SYT3: variants seen among roughly 807,000 people sequenced by gnomAD.
The protein encoded by SYT3 is synaptotagmin-3.
A neutral mutation model predicts 50.6 loss-of-function variants in SYT3; 25 were observed. The observed-to-expected ratio is 0.49, with a 90% CI of 0.36 to 0.69. The LOEUF is 0.69. SYT3 is among the 30% of genes least tolerant of loss of function. The pLI is 0.00. For missense variants in SYT3, 589 were observed against 793.6 expected (o/e 0.74, Z 3.10); for synonymous variants, 323 against 353.9 (o/e 0.91, Z 0.98).
At chr19:50,650,335 G>A in the SYT3 span, among the ~76,000 whole-genome samples, 19 of 152,348 alleles carry the variant, frequency 1.2e-4, no homozygotes, top group Non-Finnish European at 2.1e-4. Context: ...CATTTATGGA[G>A]TAGTATCTCA....
Position 50,625,583 on chromosome 19 carries a change from T to G in SYT3, c.1403-19A>C, listed in dbSNP as rs777497188. 1 of 1,557,436 alleles carries G rather than the reference T, an allele frequency of 6.4e-7. No homozygotes were observed. Among genetic ancestry groups the G allele is most frequent in the Non-Finnish European group, 8.7e-7 (1 of 1,153,046 alleles). Reference sequence around the variant, plus strand: ...TAGGGGTCTGGGAACAGCAATGAAGTAAGGAACAGAGACTCACTCCCTCAG... The same window carrying G: ...TAGGGGTCTGGGAACAGCAATGAAGGAAGGAACAGAGACTCACTCCCTCAG... On this transcript the variant is annotated intron_variant, in intron 7 of 10. Transcript: ENST00000600079. This position sits in a 1 kb window ranked among gnomAD's most constrained non-coding sequence, Gnocchi z 7.5.
chr19:50,633,727 A>C lies in SYT3; in HGVS notation c.149-916T>G, dbSNP rs112855032. On this transcript the variant is annotated intron_variant, in intron 3 of 10. Transcript: ENST00000600079. ...ATATCTTGAGGGGTGATTACATACCAAATAGCTCAGTACTTTATAGAGATC... is the reference window on the plus strand; with the variant it reads ...ATATCTTGAGGGGTGATTACATACCCAATAGCTCAGTACTTTATAGAGATC... Among the ~76,000 whole-genome samples the C allele has an allele frequency of 6.5e-3, 997 of 152,354 alleles. 5 individuals carry two copies. Among genetic ancestry groups the C allele is most frequent in the Non-Finnish European group, 0.011 (735 of 68,032 alleles).
chr19:50,635,693 A>G (rs1341503855), intron 3 of SYT3, among the ~76,000 whole-genome samples: 1 of 152,200 alleles, frequency 6.6e-6, no homozygotes, highest in Non-Finnish European at 1.5e-5. Context: ...AAAGTCAGCC[A>G]CACCAGCAAT....
intron 3 of SYT3, among the ~76,000 whole-genome samples, chr19:50,635,070 C>T (rs1270925969): frequency 6.6e-6 from 1 of 152,046 alleles, no homozygotes; most frequent in African/African-American, 2.4e-5. Flanking sequence ...GCCACCATGC[C>T]CAGCTAATTT....
At chr19:50,623,807 A>G (rs1460604472) in intron 9 of SYT3, among the ~76,000 whole-genome samples, 1 of 151,872 alleles carries the variant, frequency 6.6e-6, no homozygotes, top group Non-Finnish European at 1.5e-5. Flanking sequence ...TGTCTCAATA[A>G]TAACAATAAT....
upstream of SYT3, among the ~76,000 whole-genome samples, chr19:50,643,089 G>A (rs1180307017): frequency 6.6e-6 from 1 of 152,076 alleles, no homozygotes; most frequent in Admixed American, 6.5e-5. Flanking sequence ...TATGGGTCTG[G>A]ACCAAGTGCA....
At chr19:50,627,967 C>A (rs889265780) in intron 6 of SYT3, among the ~76,000 whole-genome samples, 13 of 152,316 alleles carry the variant, frequency 8.5e-5, no homozygotes, top group African/African-American at 2.9e-4. Flanking sequence ...ATCTCAAAGG[C>A]TGGGCTTGGG....
chr19:50,642,541 A>T (rs1350203776), upstream of SYT3, among the ~76,000 whole-genome samples: 1 of 152,324 alleles, frequency 6.6e-6, no homozygotes, highest in East Asian at 1.9e-4. Flanking sequence ...TACTTTAAAA[A>T]ATCATACTCT....
chr19:50,641,923 A>G (rs1599823862), upstream of SYT3, among the ~76,000 whole-genome samples: 1 of 152,284 alleles, frequency 6.6e-6, no homozygotes, highest in East Asian at 1.9e-4. Context: ...TAAGTAAGTA[A>G]ATAAAAGTAA....
At chr19:50,653,107 G>A in the SYT3 span, among the ~76,000 whole-genome samples, 4 of 152,090 alleles carry the variant, frequency 2.6e-5, no homozygotes, top group Non-Finnish European at 2.9e-5. Flanking sequence ...GCACGATCCC[G>A]GCTCACTGCA....
the SYT3 span, among the ~76,000 whole-genome samples, chr19:50,651,982 T>A: frequency 1.6e-4 from 24 of 152,310 alleles, no homozygotes; most frequent in African/African-American, 5.1e-4. Flanking sequence ...GGCTATTTTT[T>A]AAAATTAATT....
chr19:50,629,228 G>T, intron 6 of SYT3, 66 bp downstream of exon 6: 1 of 1,326,468 alleles, frequency 7.5e-7, no homozygotes, highest in East Asian at 2.4e-5. Context: ...CTGAGGGCAG[G>T]GGGCTTGCAA....
chr19:50,626,396 G>A (rs1448415788), intron 6 of SYT3, among the ~76,000 whole-genome samples: 9 of 151,992 alleles, frequency 5.9e-5, no homozygotes, highest in Admixed American at 1.3e-4. Context: ...GAGGGACAGA[G>A]GCCCAGAGAC....
At position 50,629,399 on chromosome 19, in the gene SYT3, G is replaced by A. The variant is rs1045012535; in HGVS notation, c.1176C>T (p.Phe392=). The A allele has an allele frequency of 6.2e-7, 1 of 1,614,008 alleles. No individual in the cohort carries two copies. The highest frequency in any genetic ancestry group is 8.5e-7 in the Non-Finnish European group (1 of 1,179,934). Reference sequence around the variant, plus strand: ...CCTGGCCGATGAGGTCGTGCCGCGAGAAGCGGTCAAAGTCATAGACGCTGA... The same window carrying A: ...CCTGGCCGATGAGGTCGTGCCGCGAAAAGCGGTCAAAGTCATAGACGCTGA... ...LHFSVYDFDR[F]SRHDLIGQVV... is the part of the protein sequence containing the mutation. The change falls in exon 6 of 11, where the codon TTC becomes TTT. Residue 392 remains phenylalanine (F), a synonymous_variant. Transcript: ENST00000600079.
chr19:50,625,181 T>C lies in SYT3; in HGVS notation c.1688A>G (p.His563Arg), dbSNP rs1385367396. The C allele has an allele frequency of 6.2e-7, 1 of 1,601,098 alleles. No individual in the cohort carries two copies. The highest frequency in any genetic ancestry group is 1.3e-5 in the African/African-American group (1 of 74,752). ...MLANPRKPVE[H>R]WHQLVEEKTV... Reference sequence around the variant, plus strand: ...ACTCACCTCCACTAGCTGATGCCAGTGCTCCACGGGCTTGCGGGGATTGGC... The same window carrying C: ...ACTCACCTCCACTAGCTGATGCCAGCGCTCCACGGGCTTGCGGGGATTGGC... Residue 563 changes from histidine (H) to arginine (R), a missense_variant, in exon 9 of 11, where the codon CAC (histidine) becomes CGC (arginine). Transcript: ENST00000600079. This position sits in a 1 kb window ranked among gnomAD's most constrained non-coding sequence, Gnocchi z 7.5.
the SYT3 span, among the ~76,000 whole-genome samples, chr19:50,657,450 A>G: frequency 6.6e-5 from 10 of 152,236 alleles, no homozygotes; most frequent in Admixed American, 4.6e-4. Context: ...CACCCTTGAC[A>G]TGCTAATCAC....
chr19:50,645,135 C>G, the SYT3 span, among the ~76,000 whole-genome samples: 2 of 152,220 alleles, frequency 1.3e-5, no homozygotes, highest in African/African-American at 4.8e-5. Context: ...GGAGACACAC[C>G]TTTTGGCCAG....
chr19:50,629,345 G>A lies in SYT3; in HGVS notation c.1230C>T (p.Ala410=), dbSNP rs768036559. 9 of 1,613,118 alleles carry A rather than the reference G, an allele frequency of 5.6e-6. No individual in the cohort carries two copies. The highest frequency in any genetic ancestry group is 2.2e-5 in the South Asian group (2 of 90,940). The change falls in exon 6 of 11, where the codon GCC becomes GCT. Residue 410 remains alanine (A), a synonymous_variant. Coordinates refer to ENST00000600079, the MANE Select transcript of SYT3 (RefSeq NM_001160329.2). ...QVVLDNLLEL[A]EQPPDRPLWR... ...AGAGCGGGCGGTCAGGGGGCTGCTCGGCCAGCTCCAGGAGGTTGTCCAGCA... is the reference window on the plus strand; with the variant it reads ...AGAGCGGGCGGTCAGGGGGCTGCTCAGCCAGCTCCAGGAGGTTGTCCAGCA...
In SYT3 at chr19:50,629,915, AG is replaced by A; in HGVS notation, c.930del (p.Tyr311MetfsTer8). 6.2e-7 allele frequency: 1 copy of A among 1,613,994 alleles called. No homozygotes were observed. Among genetic ancestry groups the A allele is most frequent in the East Asian group, 2.2e-5 (1 of 44,854 alleles). On this transcript the variant is annotated frameshift_variant, in exon 5 of 11. Transcript: ENST00000600079. LOFTEE classifies it high-confidence loss of function. ...CGRISFALRY[L>X]YGSDQLVVRI... The stretch of plus-strand genomic sequence containing the variant: ...CTCACCACCAGCTGGTCCGAGCCAT[AG>A]AGGTACCGCAGGGCGAAGCTGATAC...
Sources: allele counts gnomAD v4.1 joint callset (sites outside exome capture counted in the v4.1 genomes callset), GRCh38; gene constraint gnomAD v4.1.1; non-coding constraint Gnocchi (gnomAD v3.1); transcripts MANE v1.5; gene names NCBI Gene and HGNC (gene_info 2026-07-23, HGNC 2026-07-21).